Variants in PYGO1 observed in about 807,000 individuals in gnomAD.
The protein encoded by PYGO1 is pygopus homolog 1.
In PYGO1, 6 loss-of-function variants were observed where a neutral mutation model predicts 29.5. The ratio of observed to expected loss-of-function variants is 0.20; its 90% CI spans 0.11 to 0.40. PYGO1 has a LOEUF of 0.40. Among genes scored for constraint, PYGO1 ranks in the 10% least tolerant of loss-of-function variants. The pLI is 1.00. For missense variants in PYGO1, 515 were observed against 514.9 expected, an observed-to-expected ratio of 1.00 and a Z score of 0.00; for synonymous variants, 186 against 180.5, an observed-to-expected ratio of 1.03 and a Z score of -0.24.
intron 1 of PYGO1, among the ~76,000 whole-genome samples, chr15:55,577,094 T>C (rs1478155794): frequency 1.3e-5 from 2 of 152,172 alleles, no homozygotes; most frequent in Non-Finnish European, 2.9e-5. Context: ...ACTGATAGCT[T>C]ATCTTCAAAG....
chr15:55,571,349 C>G (rs2058979270), intron 1 of PYGO1, among the ~76,000 whole-genome samples: 1 of 152,188 alleles, frequency 6.6e-6, no homozygotes, highest in Non-Finnish European at 1.5e-5. Context: ...CTTTGAGACT[C>G]TATTCTCAAC....
intron 1 of PYGO1, among the ~76,000 whole-genome samples, chr15:55,566,223 T>C (rs547008181): frequency 5.1e-4 from 78 of 152,258 alleles, no homozygotes; most frequent in African/African-American, 1.7e-3. Flanking sequence ...CTGCCCCTAA[T>C]TGCACTGCCC....
chr15:55,587,991 C>T lies in PYGO1; in HGVS notation c.-108G>A. The stretch of plus-strand genomic sequence containing the variant: ...GGGGCCGCTGCGGCTGCGAGGCAAG[C>T]CTCGGAGCCGAGGCACGGCCGAGGG... On this transcript the variant is annotated 5_prime_UTR_variant, in exon 1 of 3. Coordinates refer to ENST00000563719, the MANE Select transcript of PYGO1 (RefSeq NM_001367806.1). The T allele has an allele frequency of 1.4e-6, 2 of 1,395,310 alleles. No homozygotes were observed. Among genetic ancestry groups the T allele is most frequent in the Non-Finnish European group, 1.9e-6 (2 of 1,068,058 alleles). 86.4% of individuals were successfully genotyped at this position (1,395,310 alleles called of 1,614,324 possible).
intron 1 of PYGO1, among the ~76,000 whole-genome samples, chr15:55,586,748 T>G (rs1455606297): frequency 6.6e-6 from 1 of 152,212 alleles, no homozygotes; most frequent in Non-Finnish European, 1.5e-5. Flanking sequence ...TATCATTTCC[T>G]TTAGGTCTTT....
At chr15:55,573,151 A>T (rs1352141981) in intron 1 of PYGO1, among the ~76,000 whole-genome samples, 1 of 152,022 alleles carries the variant, frequency 6.6e-6, no homozygotes, top group African/African-American at 2.4e-5. Context: ...CTAAAAATAC[A>T]AAAAATTAGC....
At chr15:55,561,343 A>T (rs766260235) in intron 1 of PYGO1, among the ~76,000 whole-genome samples, 14 of 152,178 alleles carry the variant, frequency 9.2e-5, no homozygotes, top group Non-Finnish European at 1.6e-4. Flanking sequence ...TGCTATAAAG[A>T]ATTTCCCTGA....
intron 1 of PYGO1, among the ~76,000 whole-genome samples, chr15:55,576,147 G>A (rs978243102): frequency 2.6e-5 from 4 of 152,122 alleles, no homozygotes; most frequent in Non-Finnish European, 5.9e-5. Context: ...CAATAAAGCT[G>A]TTAAAGCTTG....
chr15:55,551,674 G>A (rs1344719861), intron 1 of PYGO1, among the ~76,000 whole-genome samples: 2 of 151,988 alleles, frequency 1.3e-5, no homozygotes, highest in South Asian at 2.1e-4. Context: ...AGGTATGGTG[G>A]CACATGCCTG....
intron 1 of PYGO1, among the ~76,000 whole-genome samples, chr15:55,569,005 A>AATAGAT (rs1413074763): frequency 6.6e-6 from 1 of 151,782 alleles, no homozygotes; most frequent in African/African-American, 2.4e-5. Context: ...TATTTTGTTA[A>AATAGAT]GTATGTTTAC....
At chr15:55,582,635 G>T (rs143792642) in intron 1 of PYGO1, among the ~76,000 whole-genome samples, 1 of 152,182 alleles carries the variant, frequency 6.6e-6, no homozygotes, top group East Asian at 1.9e-4. Flanking sequence ...GTTTACTGAT[G>T]ACTTCCAGAG....
chr15:55,579,890 C>T (rs1291888264), intron 1 of PYGO1, among the ~76,000 whole-genome samples: 1 of 152,062 alleles, frequency 6.6e-6, no homozygotes, highest in African/African-American at 2.4e-5. Flanking sequence ...TGAGCAAAAC[C>T]ACCTAAAATT....
chr15:55,584,403 G>A (rs192887378), intron 1 of PYGO1, among the ~76,000 whole-genome samples: 11 of 152,152 alleles, frequency 7.2e-5, no homozygotes, highest in East Asian at 1.9e-4. Context: ...GAGCCACTGC[G>A]CCCAGCCAGG....
chr15:55,553,363 T>A (rs1292698752), intron 1 of PYGO1, among the ~76,000 whole-genome samples: 1 of 150,156 alleles, frequency 6.7e-6, no homozygotes, highest in East Asian at 1.9e-4. Flanking sequence ...CCCAGTGCAG[T>A]ACAACTGCTC....
At chr15:55,550,223 A>C (rs1324540503) in intron 1 of PYGO1, among the ~76,000 whole-genome samples, 1 of 152,190 alleles carries the variant, frequency 6.6e-6, no homozygotes, top group African/African-American at 2.4e-5. Flanking sequence ...TATTAACTGA[A>C]CCAGGCTGAT....
In PYGO1 at chr15:55,549,100, G is replaced by A. The variant is rs946559820; in HGVS notation, c.50-105C>T. ...TTACCTGTTAATGTTTTCTATTTTC[G>A]TTAGACAAGAGCAATACTTTTATTA... On this transcript the variant is annotated intron_variant, in intron 1 of 2. Coordinates refer to ENST00000563719, the MANE Select transcript of PYGO1 (RefSeq NM_001367806.1). The A allele has an allele frequency of 5.7e-5, 49 of 853,366 alleles. No homozygotes were observed. The East Asian group carries it at 8.0e-4, about 14-fold the overall frequency. 52.9% of individuals were successfully genotyped at this position (853,366 alleles called of 1,614,324 possible).
intron 1 of PYGO1, among the ~76,000 whole-genome samples, chr15:55,557,678 G>T (rs2141655754): frequency 6.6e-6 from 1 of 152,224 alleles, no homozygotes; most frequent in East Asian, 1.9e-4. Context: ...GGGATGCAAA[G>T]CTGGTTCAAC....
At chr15:55,550,566 C>A (rs1233408930) in intron 1 of PYGO1, among the ~76,000 whole-genome samples, 1 of 152,188 alleles carries the variant, frequency 6.6e-6, no homozygotes, top group Non-Finnish European at 1.5e-5. Flanking sequence ...TGGCATCTCT[C>A]TTCCAATCCT....
rs894870450 is a variant in PYGO1 at position 55,541,668 on chromosome 15, G to C, written c.*4355C>G. On this transcript the variant is annotated 3_prime_UTR_variant, in exon 3 of 3. Coordinates refer to ENST00000563719, the MANE Select transcript of PYGO1 (RefSeq NM_001367806.1). Reference sequence around the variant, plus strand: ...CACAAAGACACAGGATTTCTGATGGGAGGAAAGATATAAAATGTTGAAGCA... The same window carrying C: ...CACAAAGACACAGGATTTCTGATGGCAGGAAAGATATAAAATGTTGAAGCA... The C allele has an allele frequency of 6.6e-6, 1 of 152,150 alleles. No individual in the cohort carries two copies. Among genetic ancestry groups the C allele is most frequent in the Non-Finnish European group, 1.5e-5 (1 of 68,042 alleles). 9.4% of individuals were successfully genotyped at this position (152,150 alleles called of 1,614,324 possible).
intron 1 of PYGO1, among the ~76,000 whole-genome samples, chr15:55,568,366 G>GTAAATGGGATTGCTTTCT (rs1555425861): frequency 2.7e-5 from 4 of 148,482 alleles, no homozygotes; most frequent in Non-Finnish European, 4.5e-5. Context: ...GTGTGTGTCT[G>GTAAATGGGATTGCTTTCT]TAAATGGGAT....
Sources: allele counts gnomAD v4.1 joint callset (sites outside exome capture counted in the v4.1 genomes callset), GRCh38; gene constraint gnomAD v4.1.1; transcripts MANE v1.5; gene names NCBI Gene and HGNC (gene_info 2026-07-23, HGNC 2026-07-21).